Variants in GRIN2B observed in about 807,000 individuals in gnomAD.
GRIN2B encodes the protein glutamate ionotropic receptor NMDA type subunit 2B, also known as glutamate receptor ionotropic, NMDA 2B.
In GRIN2B, 5 loss-of-function variants were observed where a neutral mutation model predicts 114.5. The ratio of observed to expected loss-of-function variants is 0.04; its 90% confidence interval spans 0.02 to 0.09. The LOEUF (loss-of-function observed/expected upper bound fraction) is 0.09, where lower values mean the gene tolerates loss of function less well. Among genes scored for constraint, GRIN2B ranks in the 10% least tolerant of loss-of-function variants. GRIN2B has a pLI of 1.00. For synonymous variants in GRIN2B, 787 were observed against 745.1 expected (o/e 1.06, Z -0.92); for missense variants, 1,108 against 1,943.5 (o/e 0.57, Z 8.08).
chr12:13,775,495 G>A (rs1323975386), intron 3 of GRIN2B, among the ~76,000 whole-genome samples: 1 of 152,228 alleles, frequency 6.6e-6, no homozygotes, highest in Non-Finnish European at 1.5e-5. Context: ...TAAGTGCTTA[G>A]GAAATAGTAC....
chr12:13,747,551 C>T (rs373077312), intron 4 of GRIN2B, among the ~76,000 whole-genome samples: 2 of 152,160 alleles, frequency 1.3e-5, no homozygotes, highest in East Asian at 1.9e-4. Flanking sequence ...AGGTGTGTGT[C>T]ATTTTACTAA....
chr12:13,866,910 A>G lies in GRIN2B; in HGVS notation c.-18-684T>C, dbSNP rs374592364. On this transcript the variant is annotated intron_variant, in intron 2 of 13. Transcript: ENST00000609686. ...GAAAAACATTATTATCACCATTTTT[A>G]TAAATGTTGACGCCAAGGCTCAGAG... is the stretch of plus-strand genomic sequence containing the variant. Among the ~76,000 whole-genome samples the G allele has an allele frequency of 1.4e-4, 21 of 152,350 alleles. No individual in the cohort carries two copies. The East Asian group carries it at 3.7e-3, about 27-fold the overall frequency.
Position 13,564,730 on chromosome 12 carries a change from G to A in GRIN2B, c.2599-91C>T. The stretch of plus-strand genomic sequence containing the variant: ...CTCCCACCAATAATTGCTCCAACTG[G>A]ATAAGAAAAAGGGAAAGCATGAAGC... On this transcript the variant is annotated intron_variant, in intron 13 of 13. Transcript: ENST00000609686. The surrounding 1 kb of genome is among the most constrained non-coding windows in gnomAD (Gnocchi z 4.8). 8.8e-7 allele frequency: 1 copy of A among 1,140,788 alleles called. No homozygotes were observed. Among genetic ancestry groups the A allele is most frequent in the Non-Finnish European group, 1.3e-6 (1 of 758,282 alleles). The allele number at this position is 1,140,788 out of a possible 1,614,324, so 70.7% of individuals were successfully genotyped here.
intron 5 of GRIN2B, among the ~76,000 whole-genome samples, chr12:13,669,092 C>G (rs998354223): frequency 1.3e-5 from 2 of 151,894 alleles, no homozygotes; most frequent in African/African-American, 2.4e-5. Context: ...CTGTACATTA[C>G]AGAGAGACAA....
At chr12:13,686,087 A>G (rs559276276) in intron 4 of GRIN2B, among the ~76,000 whole-genome samples, 5 of 152,286 alleles carry the variant, frequency 3.3e-5, no homozygotes, top group South Asian at 4.1e-4. Flanking sequence ...GTCAAAAGTT[A>G]TCAGTCAAAC....
chr12:13,724,928 T>C (rs894114487), intron 4 of GRIN2B, among the ~76,000 whole-genome samples: 3 of 152,164 alleles, frequency 2.0e-5, no homozygotes, highest in Non-Finnish European at 4.4e-5. Context: ...CATTCTACTA[T>C]GGTGTCTAGG....
chr12:13,609,725 A>T (rs1949338225), intron 9 of GRIN2B, among the ~76,000 whole-genome samples: 1 of 151,392 alleles, frequency 6.6e-6, no homozygotes, highest in Non-Finnish European at 1.5e-5. Flanking sequence ...GTGAGCTGAG[A>T]TCGCGCCACT....
At chr12:13,817,950 T>C (rs574255777) in intron 3 of GRIN2B, among the ~76,000 whole-genome samples, 1 of 152,342 alleles carries the variant, frequency 6.6e-6, no homozygotes, top group Non-Finnish European at 1.5e-5. Flanking sequence ...TTTTTATTTA[T>C]GTATTGTAGT....
chr12:13,619,422 C>A (rs1426417595), intron 5 of GRIN2B, among the ~76,000 whole-genome samples: 1 of 152,212 alleles, frequency 6.6e-6, no homozygotes, highest in African/African-American at 2.4e-5. Flanking sequence ...CTGTGTTCAT[C>A]ATACCACAGC....
chr12:13,807,972 A>G (rs1864641591), intron 3 of GRIN2B, among the ~76,000 whole-genome samples: 1 of 152,072 alleles, frequency 6.6e-6, no homozygotes, highest in Admixed American at 6.5e-5. Context: ...GAACCTTTTG[A>G]CCTAGAGACA....
In GRIN2B at chr12:13,819,634, C is replaced by T. The variant is rs1424156602; in HGVS notation, c.411+46164G>A. 5.3e-5 allele frequency among the ~76,000 whole-genome samples: 8 copies of T among 152,196 alleles called. No homozygotes were observed. The East Asian group carries it at 1.2e-3, about 22-fold the overall frequency. ...AAGATGCTATAATCAAACACATAAA[C>T]ATTTCTCCCACAAAACACAAAAATA... On this transcript the variant is annotated intron_variant, in intron 3 of 13. Transcript: ENST00000609686.
intron 3 of GRIN2B, among the ~76,000 whole-genome samples, chr12:13,817,505 T>C (rs1565548932): frequency 6.6e-6 from 1 of 152,168 alleles, no homozygotes; most frequent in African/African-American, 2.4e-5. Flanking sequence ...CTCCACCTGA[T>C]AAAATAAACT....
upstream of GRIN2B, chr12:13,982,024 C>T (rs1329974432): frequency 6.6e-6 from 1 of 151,872 alleles, no homozygotes; most frequent in East Asian, 1.9e-4. Flanking sequence ...CTCCACACCC[C>T]CCACCCCACC....
chr12:13,549,193 T>C lies in GRIN2B; in HGVS notation c.*13590A>G, dbSNP rs1948381866. On this transcript the variant is annotated 3_prime_UTR_variant, in exon 14 of 14. Transcript: ENST00000609686. ...TGAACAGGTGGGTTGTAAGAGAAGG[T>C]TGTTGCAAGATTCTCTGATCTGCGG... 1 of 152,150 alleles carries C rather than the reference T, an allele frequency of 6.6e-6. No individual in the cohort carries two copies. The highest frequency in any genetic ancestry group is 1.5e-5 in the Non-Finnish European group (1 of 68,022). The allele number at this position is 152,150 out of a possible 1,614,324, so 9.4% of individuals were successfully genotyped here.
In GRIN2B at chr12:13,563,845, G is replaced by A. The variant is rs1296871510; in HGVS notation, c.3393C>T (p.Asp1131=). ...RYFRDKEGLR[D]FYLDQFRTKE... Reference sequence around the variant, plus strand: ...TTGTTCGGAACTGGTCCAGGTAGAAGTCCCGTAGCCCTTCCTTGTCCCTGA... The same window carrying A: ...TTGTTCGGAACTGGTCCAGGTAGAAATCCCGTAGCCCTTCCTTGTCCCTGA... The change falls in exon 14 of 14, where the codon GAC becomes GAT. Residue 1131 remains aspartate (D), a synonymous_variant. Coordinates refer to ENST00000609686, the MANE Select transcript of GRIN2B (RefSeq NM_000834.5). 1 of 1,614,128 alleles carries A rather than the reference G, an allele frequency of 6.2e-7. No homozygotes were observed. Among genetic ancestry groups the A allele is most frequent in the Admixed American group, 1.7e-5 (1 of 60,026 alleles).
intron 3 of GRIN2B, among the ~76,000 whole-genome samples, chr12:13,776,995 G>A (rs1234753072): frequency 6.6e-6 from 1 of 152,154 alleles, no homozygotes; most frequent in Non-Finnish European, 1.5e-5. Context: ...GCGGGGCAGA[G>A]CAAGGGGACA....
chr12:13,802,947 T>A (rs1281198301), intron 3 of GRIN2B, among the ~76,000 whole-genome samples: 1 of 151,448 alleles, frequency 6.6e-6, no homozygotes, highest in African/African-American at 2.4e-5. Flanking sequence ...ACACACAGAT[T>A]TTCTTCCACT....
intron 5 of GRIN2B, among the ~76,000 whole-genome samples, chr12:13,623,947 T>G (rs527287470): frequency 2.0e-5 from 3 of 152,310 alleles, no homozygotes; most frequent in African/African-American, 7.2e-5. Flanking sequence ...TTTTGCTTTC[T>G]GTTGTTGCAC....
At chr12:13,565,749 G>A (rs1948630798) in intron 13 of GRIN2B, among the ~76,000 whole-genome samples, 1 of 152,190 alleles carries the variant, frequency 6.6e-6, no homozygotes, top group African/African-American at 2.4e-5. Context: ...GGGAATGAGA[G>A]GGGAGAGGGT....
Sources: allele counts gnomAD v4.1 joint callset (sites outside exome capture counted in the v4.1 genomes callset), GRCh38; gene constraint gnomAD v4.1.1; non-coding constraint Gnocchi (gnomAD v3.1); transcripts MANE v1.5; gene names NCBI Gene and HGNC (gene_info 2026-07-23, HGNC 2026-07-21).